Variants in LYNX1 observed in about 807,000 individuals in gnomAD.
LYNX1 encodes Ly6/neurotoxin 1.
Under a neutral mutation model 8.3 loss-of-function variants are expected in LYNX1, and 8 were observed. The ratio of observed to expected loss-of-function variants is 0.97; its 90% CI spans 0.57 to 1.74. LYNX1 has a LOEUF of 1.74. Among genes scored for constraint, LYNX1 ranks in the 40% most tolerant of loss-of-function variants. The pLI is 0.00. For synonymous variants in LYNX1, 73 were observed against 67.9 expected, an observed-to-expected ratio of 1.08 and a Z score of -0.37; for missense variants, 158 against 159.7, an observed-to-expected ratio of 0.99 and a Z score of 0.06.
chr8:142,771,862 C>T lies in LYNX1; in HGVS notation c.*3305G>A, dbSNP rs1022100152. The T allele has an allele frequency of 1.1e-5, 11 of 985,814 alleles. No homozygotes were observed. The highest frequency in any genetic ancestry group is 1.3e-5 in the Non-Finnish European group (11 of 830,024). The allele number at this position is 985,814 out of a possible 1,614,324, so 61.1% of individuals were successfully genotyped here. On this transcript the variant is annotated 3_prime_UTR_variant, in exon 4 of 4. Transcript: ENST00000652477. ...CCTGCCCAGGGCCGCAGCCCTGCCC[C>T]CAAAGACCCCAGGACAGACCAGAGC...
rs1454397672 is a variant in LYNX1 at position 142,774,208 on chromosome 8, G to A, written c.*959C>T. On this transcript the variant is annotated 3_prime_UTR_variant, in exon 4 of 4. Transcript: ENST00000652477. ...CGGCCACGAGAGGGTGGCATGCTCCGCCTTCCCACGCCCAGGCCCGCGCCG... is the reference window on the plus strand; with the variant it reads ...CGGCCACGAGAGGGTGGCATGCTCCACCTTCCCACGCCCAGGCCCGCGCCG... The A allele has an allele frequency of 6.3e-6, 6 of 953,814 alleles. No homozygotes were observed. In the African/African-American group the frequency reaches 6.3e-5, roughly 10 times the overall value. 59.1% of individuals were successfully genotyped at this position (953,814 alleles called of 1,614,324 possible).
At position 142,771,204 on chromosome 8, in the gene LYNX1, C is replaced by A. The variant is rs79686521; in HGVS notation, c.*3963G>T. 3.0e-6 allele frequency: 3 copies of A among 985,318 alleles called. No individual in the cohort carries two copies. The highest frequency in any genetic ancestry group is 3.6e-6 in the Non-Finnish European group (3 of 829,976). 61.0% of individuals were successfully genotyped at this position (985,318 alleles called of 1,614,324 possible). On this transcript the variant is annotated 3_prime_UTR_variant, in exon 4 of 4. Coordinates refer to ENST00000652477, the MANE Select transcript of LYNX1 (RefSeq NM_177477.4). ...GGGCTGGAGAGAAGCGCAGACAATGCGAATCTGTTGATTTATTTACGGCTC... is the reference window on the plus strand; with the variant it reads ...GGGCTGGAGAGAAGCGCAGACAATGAGAATCTGTTGATTTATTTACGGCTC...
rs1172336759 is a variant in LYNX1 at position 142,771,315 on chromosome 8, C to T, written c.*3852G>A. The T allele has an allele frequency of 5.1e-6, 5 of 985,434 alleles. No individual in the cohort carries two copies. Among genetic ancestry groups the T allele is most frequent in the East Asian group, 1.1e-4 (1 of 8,824 alleles). The allele number at this position is 985,434 out of a possible 1,614,324, so 61.0% of individuals were successfully genotyped here. On this transcript the variant is annotated 3_prime_UTR_variant, in exon 4 of 4. Coordinates refer to ENST00000652477, the MANE Select transcript of LYNX1 (RefSeq NM_177477.4). ...CATGGCCCTGGGAAGCACCTGGACC[C>T]CAGAACATAAGACAGGAGGGAGAGA...
Position 142,772,341 on chromosome 8 carries a change from C to T in LYNX1, c.*2826G>A, listed in dbSNP as rs150966708. The T allele has an allele frequency of 1.0e-6, 1 of 985,640 alleles. No individual in the cohort carries two copies. The highest frequency in any genetic ancestry group is 1.2e-6 in the Non-Finnish European group (1 of 829,986). The allele number at this position is 985,640 out of a possible 1,614,324, so 61.1% of individuals were successfully genotyped here. ...CCCTCTCCTCTGCCACTCTGCCCTGCACCCAGAGGCAGCGCTGGAGGCCTT... is the reference window on the plus strand; with the variant it reads ...CCCTCTCCTCTGCCACTCTGCCCTGTACCCAGAGGCAGCGCTGGAGGCCTT... On this transcript the variant is annotated 3_prime_UTR_variant, in exon 4 of 4. Coordinates refer to ENST00000652477, the MANE Select transcript of LYNX1 (RefSeq NM_177477.4).
upstream of LYNX1, chr8:142,777,739 C>T (rs1446656067): frequency 1.3e-5 from 5 of 397,592 alleles, no homozygotes; most frequent in East Asian, 1.4e-4. Flanking sequence ...CAGTGATTCC[C>T]TGGCGACCCT....
chr8:142,775,674 C>G lies in LYNX1; in HGVS notation c.73G>C (p.Val25Leu). The change falls in exon 3 of 4, where the codon GTG becomes CTG. Residue 25 changes from valine (V) to leucine (L), a missense_variant. Transcript: ENST00000652477. ...LPLAQALDCH[V>L]CAYNGDNCFN... is the part of the protein sequence containing the mutation. ...CAGTTGTCTCCGTTGTAGGCACACA[C>G]GTGGCAGTCCAAGGCCTGGGCTGGG... The G allele has an allele frequency of 1.9e-6, 3 of 1,600,636 alleles. No homozygotes were observed. Among genetic ancestry groups the G allele is most frequent in the Non-Finnish European group, 2.6e-6 (3 of 1,173,720 alleles).
chr8:142,771,927 G>GTCCCCAGGTCCC lies in LYNX1; in HGVS notation c.*3228_*3239dup. ...GGTGTCCCCATGCTGACCTGGCCAT[G>GTCCCCAGGTCCC]TCCCCAGGTCCCACCCCAGGGTCAC... is the stretch of plus-strand genomic sequence containing the variant. On this transcript the variant is annotated 3_prime_UTR_variant, in exon 4 of 4. Transcript: ENST00000652477. The GTCCCCAGGTCCC allele has an allele frequency of 1.0e-6, 1 of 985,932 alleles. No homozygotes were observed. The highest frequency in any genetic ancestry group is 1.2e-6 in the Non-Finnish European group (1 of 830,042). 61.1% of individuals were successfully genotyped at this position (985,932 alleles called of 1,614,324 possible). A position where few individuals can be genotyped will look rare whatever the true frequency, so the allele number is the denominator to read the frequency against.
Position 142,773,171 on chromosome 8 carries a change from T to A in LYNX1, c.*1996A>T, listed in dbSNP as rs1013109324. ...AAGGACTTAGGAGCCCAAAGCCGCC[T>A]CCCTCCCGGTAAGCATCCCAAGGCA... On this transcript the variant is annotated 3_prime_UTR_variant, in exon 4 of 4. Transcript: ENST00000652477. 1 of 985,548 alleles carries A rather than the reference T, an allele frequency of 1.0e-6. No homozygotes were observed. Among genetic ancestry groups the A allele is most frequent in the Non-Finnish European group, 1.2e-6 (1 of 830,060 alleles). The allele number at this position is 985,548 out of a possible 1,614,324, so 61.1% of individuals were successfully genotyped here. A position where few individuals can be genotyped will look rare whatever the true frequency, so the allele number is the denominator to read the frequency against.
rs975741474 is a variant in LYNX1 at position 142,771,654 on chromosome 8, A to G, written c.*3513T>C. ...CAGACCACCCAGAGTAGTGGGAGAAAGCACCGGCAGAAAAGCTGGCATATC... is the reference window on the plus strand; with the variant it reads ...CAGACCACCCAGAGTAGTGGGAGAAGGCACCGGCAGAAAAGCTGGCATATC... On this transcript the variant is annotated 3_prime_UTR_variant, in exon 4 of 4. Coordinates refer to ENST00000652477, the MANE Select transcript of LYNX1 (RefSeq NM_177477.4). 4.6e-5 allele frequency: 45 copies of G among 985,712 alleles called. No homozygotes were observed. The highest frequency in any genetic ancestry group is 5.2e-5 in the Non-Finnish European group (43 of 829,960). The allele number at this position is 985,712 out of a possible 1,614,324, so 61.1% of individuals were successfully genotyped here. A position where few individuals can be genotyped will look rare whatever the true frequency, so the allele number is the denominator to read the frequency against.
chr8:142,774,149 T>TGGCCC lies in LYNX1; in HGVS notation c.*1017_*1018insGGGCC. 1.7e-4 allele frequency: 120 copies of TGGCCC among 724,788 alleles called. No homozygotes were observed. Among genetic ancestry groups the TGGCCC allele is most frequent in the East Asian group, 3.2e-4 (2 of 6,204 alleles). 44.9% of individuals were successfully genotyped at this position (724,788 alleles called of 1,614,324 possible). A position where few individuals can be genotyped will look rare whatever the true frequency, so the allele number is the denominator to read the frequency against. ...CGGGGGAGGGGCTGGGTCTCCGCCC[T>TGGCCC]CCCCACCCCACCCTCCCCACTCCCG... is the stretch of plus-strand genomic sequence containing the variant. On this transcript the variant is annotated 3_prime_UTR_variant, in exon 4 of 4. Coordinates refer to ENST00000652477, the MANE Select transcript of LYNX1 (RefSeq NM_177477.4).
Position 142,774,552 on chromosome 8 carries a change from G to T in LYNX1, c.*615C>A, listed in dbSNP as rs989402220. The T allele has an allele frequency of 1.5e-5, 15 of 985,638 alleles. No homozygotes were observed. Among genetic ancestry groups the T allele is most frequent in the Non-Finnish European group, 1.8e-5 (15 of 830,208 alleles). 61.1% of individuals were successfully genotyped at this position (985,638 alleles called of 1,614,324 possible). A position where few individuals can be genotyped will look rare whatever the true frequency, so the allele number is the denominator to read the frequency against. On this transcript the variant is annotated 3_prime_UTR_variant, in exon 4 of 4. Coordinates refer to ENST00000652477, the MANE Select transcript of LYNX1 (RefSeq NM_177477.4). ...GCTTCTGTGACTTCGGGGGCCCTGG[G>T]GCCTGCTGAGGCAGAGCCGCCCCCT...
At chr8:142,776,847 G>A (rs1815444078) in intron 1 of LYNX1, 1 of 152,268 alleles carries the variant, frequency 6.6e-6, no homozygotes, top group Non-Finnish European at 1.5e-5. Context: ...GTTGGATTAC[G>A]GCTCTCCTAC....
rs1260211891 is a variant in LYNX1 at position 142,774,122 on chromosome 8, T to A, written c.*1045A>T. 4.1e-6 allele frequency: 4 copies of A among 985,076 alleles called. No individual in the cohort carries two copies. In the East Asian group the frequency reaches 4.6e-4, roughly 112 times the overall value. 61.0% of individuals were successfully genotyped at this position (985,076 alleles called of 1,614,324 possible). A position where few individuals can be genotyped will look rare whatever the true frequency, so the allele number is the denominator to read the frequency against. ...GACCCACTCACTGTGCGCATCCCGC[T>A]GCGGGGGAGGGGCTGGGTCTCCGCC... On this transcript the variant is annotated 3_prime_UTR_variant, in exon 4 of 4. Coordinates refer to ENST00000652477, the MANE Select transcript of LYNX1 (RefSeq NM_177477.4).
rs1815343890 is a variant in LYNX1, at chr8:142,775,038, C to T, written c.*129G>A. 2 of 1,450,498 alleles carry T rather than the reference C, an allele frequency of 1.4e-6. No individual in the cohort carries two copies. The highest frequency in any genetic ancestry group is 1.8e-6 in the Non-Finnish European group (2 of 1,104,874). The allele number at this position is 1,450,498 out of a possible 1,614,324, so 89.9% of individuals were successfully genotyped here. ...GGGAGGTCGGGTGTCTTCTTGCCCA[C>T]AGTCCTGACCCTGGGCATGGCTGAG... On this transcript the variant is annotated 3_prime_UTR_variant, in exon 4 of 4. Coordinates refer to ENST00000652477, the MANE Select transcript of LYNX1 (RefSeq NM_177477.4).
chr8:142,775,487 G>T, intron 3 of LYNX1, 106 bp downstream of exon 3: 1 of 1,556,952 alleles, frequency 6.4e-7, no homozygotes, highest in Non-Finnish European at 8.7e-7. Flanking sequence ...GACAGGATCC[G>T]GGAACAGGAG....
intron 2 of LYNX1, 30 bp from the exon 3 acceptor site, chr8:142,775,724 CG>C (rs769054332): frequency 1.3e-6 from 2 of 1,563,780 alleles, no homozygotes. Flanking sequence ...GGGAAGGGAA[CG>C]GGGGTCACAG....
At chr8:142,775,553 G>T (rs749286143) in intron 3 of LYNX1, 40 bp downstream of exon 3, 1 of 1,560,834 alleles carries the variant, frequency 6.4e-7, no homozygotes. Context: ...CCTCCCCTTC[G>T]TGCTCCCCAG....
upstream of LYNX1, chr8:142,777,616 G>T (rs1347444321): frequency 5.1e-6 from 2 of 392,282 alleles, no homozygotes; most frequent in Non-Finnish European, 8.9e-6. Context: ...GCCGAGCCGA[G>T]TTCACCGCAG....
Position 142,776,129 on chromosome 8 carries a change from G to T in LYNX1, c.-164-8C>A. ...ACTGGGAGTGCTGCAACCCTGCACA[G>T]CAGGTGGCAAAGACAGGTGGTCAGT... On this transcript the variant is annotated splice_polypyrimidine_tract_variant and splice_region_variant and intron_variant, in intron 1 of 3. Transcript: ENST00000652477. The T allele has an allele frequency of 1.4e-6, 1 of 730,310 alleles. No individual in the cohort carries two copies. Among genetic ancestry groups the T allele is most frequent in the Non-Finnish European group, 2.3e-6 (1 of 431,478 alleles). The allele number at this position is 730,310 out of a possible 1,614,324, so 45.2% of individuals were successfully genotyped here.
Sources: gnomAD v4.1 joint callset for allele counts on GRCh38, gnomAD v4.1.1 for gene constraint, MANE v1.5 for transcripts, NCBI Gene and HGNC (gene_info 2026-07-23, HGNC 2026-07-21) for gene names.